Variants in STYXL2 observed in about 807,000 individuals in gnomAD.
The protein encoded by STYXL2 is serine/threonine/tyrosine-interacting-like protein 2.
A neutral mutation model predicts 52.4 loss-of-function variants in STYXL2; 44 were observed. That is an observed-to-expected ratio of 0.84 (90% CI 0.66 to 1.08). The LOEUF is 1.08. Among genes scored for constraint, STYXL2 ranks in the 50% least tolerant of loss-of-function variants. The pLI is 0.00. For synonymous variants in STYXL2, 604 were observed against 586.9 expected (o/e 1.03, Z -0.42); for missense variants, 1,604 against 1,471.7 (o/e 1.09, Z -1.47).
At chr1:167,104,759 G>A (rs1193451454) in intron 2 of STYXL2, among the ~76,000 whole-genome samples, 1 of 152,160 alleles carries the variant, frequency 6.6e-6, no homozygotes, top group African/African-American at 2.4e-5. Context: ...TTAGAGCTCA[G>A]AAACCTTGTC....
chr1:167,126,983 G>C lies in STYXL2; in HGVS notation c.1852G>C (p.Ala618Pro). 6.2e-7 allele frequency: 1 copy of C among 1,609,180 alleles called. No homozygotes were observed. The highest frequency in any genetic ancestry group is 1.1e-5 in the South Asian group (1 of 90,212). ...VVELSKGEDS[A>P]LAKKRQRRLE... ...GGAGCTCAGCAAGGGGGAGGACTCG[G>C]CCTTGGCTAAGAAGAGACAACGGAG... The change falls in exon 6 of 6, where the codon GCC (alanine) becomes CCC (proline). Residue 618 changes from alanine to proline, a missense_variant. By Grantham distance (27) the Ala-to-Pro change is conservative (BLOSUM62 -1). Coordinates refer to ENST00000361200, the MANE Select transcript of STYXL2 (RefSeq NM_001080426.3).
chr1:167,119,751 A>G (rs1248492289), intron 5 of STYXL2, among the ~76,000 whole-genome samples: 1 of 152,204 alleles, frequency 6.6e-6, no homozygotes, highest in Admixed American at 6.5e-5. Flanking sequence ...AATGAAAAAA[A>G]GAGAAAAAAA....
At chr1:167,122,636 C>G (rs1308386593) in intron 5 of STYXL2, among the ~76,000 whole-genome samples, 1 of 151,964 alleles carries the variant, frequency 6.6e-6, no homozygotes, top group Non-Finnish European at 1.5e-5. Flanking sequence ...GATGCTCTCC[C>G]CAGTAGCTGT....
At position 167,127,586 on chromosome 1, in the gene STYXL2, A is replaced by G. The variant is rs1479827087; in HGVS notation, c.2455A>G (p.Thr819Ala). ...AESCRSKVRG[T>A]SKPIFSLFAD... is the part of the protein sequence containing the mutation. ...AAGTTGCAGAAGCAAAGTGAGGGGG[A>G]CCAGCAAGCCCATCTTCAGCCTCTT... is the stretch of plus-strand genomic sequence containing the variant. The change falls in exon 6 of 6, where the codon ACC becomes GCC. Residue 819 changes from threonine (T) to alanine (A), a missense_variant. By Grantham distance (58) the Thr-to-Ala change is moderately conservative (BLOSUM62 0). Transcript: ENST00000361200. 3.7e-6 allele frequency: 6 copies of G among 1,613,944 alleles called. No homozygotes were observed. Among genetic ancestry groups the G allele is most frequent in the Non-Finnish European group, 5.1e-6 (6 of 1,180,028 alleles).
chr1:167,112,783 A>G (rs1667645385), intron 2 of STYXL2, among the ~76,000 whole-genome samples: 1 of 152,196 alleles, frequency 6.6e-6, no homozygotes, highest in African/African-American at 2.4e-5. Context: ...AATAATACCT[A>G]ATTTGTGGAG....
At chr1:167,097,061 A>T (rs1667301327) in intron 2 of STYXL2, among the ~76,000 whole-genome samples, 2 of 152,346 alleles carry the variant, frequency 1.3e-5, no homozygotes, top group South Asian at 4.1e-4. Context: ...CCAGGATGTG[A>T]GGAGTCCTCC....
chr1:167,098,667 C>G (rs1233219420), intron 2 of STYXL2, among the ~76,000 whole-genome samples: 1 of 152,110 alleles, frequency 6.6e-6, no homozygotes, highest in Non-Finnish European at 1.5e-5. Flanking sequence ...AAGGTCTCAG[C>G]TAGAGAGATT....
At chr1:167,111,513 T>TATACACACAC (rs1211215448) in intron 2 of STYXL2, among the ~76,000 whole-genome samples, 2 of 50,118 alleles carry the variant, frequency 4.0e-5, no homozygotes, top group African/African-American at 2.4e-4. Flanking sequence ...TATATATATA[T>TATACACACAC]ACACACACAC....
chr1:167,109,260 T>C (rs1553247525), intron 2 of STYXL2, among the ~76,000 whole-genome samples: 1 of 152,184 alleles, frequency 6.6e-6, no homozygotes, highest in Non-Finnish European at 1.5e-5. Context: ...CTCTGCTTGC[T>C]TTCTCCTCAG....
chr1:167,121,799 T>G (rs113410204), intron 5 of STYXL2, among the ~76,000 whole-genome samples: 6,136 of 152,290 alleles, frequency 0.04, 152 homozygotes, highest in African/African-American at 0.084. Flanking sequence ...CCTTGCAGGG[T>G]CCAGTGCGCC....
At chr1:167,105,838 C>T (rs867966999) in intron 2 of STYXL2, among the ~76,000 whole-genome samples, 2 of 152,256 alleles carry the variant, frequency 1.3e-5, no homozygotes, top group Middle Eastern at 6.8e-3. Context: ...TTTAATGTTG[C>T]TCACATTTTA....
intron 5 of STYXL2, among the ~76,000 whole-genome samples, chr1:167,120,474 A>T (rs1365663444): frequency 6.6e-6 from 1 of 152,176 alleles, no homozygotes; most frequent in South Asian, 2.1e-4. Context: ...CCTTGGGACA[A>T]CACCTGGCAC....
intron 4 of STYXL2, among the ~76,000 whole-genome samples, chr1:167,118,499 A>C (rs1667778992): frequency 6.6e-6 from 1 of 152,222 alleles, no homozygotes; most frequent in Admixed American, 6.5e-5. Context: ...CTGGGCACCA[A>C]GTCTTAAGTG....
At chr1:167,110,472 G>T (rs1357666072) in intron 2 of STYXL2, among the ~76,000 whole-genome samples, 1 of 152,116 alleles carries the variant, frequency 6.6e-6, no homozygotes, top group Non-Finnish European at 1.5e-5. Flanking sequence ...AGAAATTTGA[G>T]AAATAATACA....
intron 2 of STYXL2, among the ~76,000 whole-genome samples, chr1:167,106,003 G>A (rs1451955596): frequency 6.6e-6 from 1 of 152,122 alleles, no homozygotes; most frequent in Non-Finnish European, 1.5e-5. Context: ...CTCATTAGCC[G>A]AACTTCAATC....
intron 4 of STYXL2, among the ~76,000 whole-genome samples, chr1:167,118,481 C>T (rs569563493): frequency 6.6e-6 from 1 of 152,282 alleles, no homozygotes; most frequent in Non-Finnish European, 1.5e-5. Context: ...AGAACTTGAT[C>T]CTCAGAGCTG....
Position 167,101,608 on chromosome 1 carries a change from A to C in STYXL2, c.110+6649A>C, listed in dbSNP as rs182924804. 3.0e-3 allele frequency among the ~76,000 whole-genome samples: 457 copies of C among 152,268 alleles called. 6 individuals carry two copies. The highest frequency in any genetic ancestry group is 1.8e-3 in the Non-Finnish European group (121 of 68,010). On this transcript the variant is annotated intron_variant, in intron 2 of 5. Coordinates refer to ENST00000361200, the MANE Select transcript of STYXL2 (RefSeq NM_001080426.3). ...CACCTGAGGTCAGGAGTTTGAGACC[A>C]GCCTGTCCAACAGAGTGAAACCCCA...
chr1:167,099,289 T>C (rs1292541430), intron 2 of STYXL2, among the ~76,000 whole-genome samples: 2 of 152,180 alleles, frequency 1.3e-5, no homozygotes, highest in Non-Finnish European at 2.9e-5. Context: ...AAAAGAATCA[T>C]TTTTAATAAG....
rs535456785 is a variant in STYXL2, at chr1:167,107,130, A to G, written c.111-6580A>G. ...GTTGGCTGTTGGCTGGGAGCTCAGC[A>G]GGGACTGTTGACCAGTGGCCTTTCT... On this transcript the variant is annotated intron_variant, in intron 2 of 5. Coordinates refer to ENST00000361200, the MANE Select transcript of STYXL2 (RefSeq NM_001080426.3). Among the ~76,000 whole-genome samples, 4 of 152,316 alleles carry G rather than the reference A, an allele frequency of 2.6e-5. No homozygotes were observed. The East Asian group carries it at 7.7e-4, about 29-fold the overall frequency.
Sources: allele counts gnomAD v4.1 joint callset (sites outside exome capture counted in the v4.1 genomes callset), GRCh38; gene constraint gnomAD v4.1.1; transcripts MANE v1.5; gene names NCBI Gene and HGNC (gene_info 2026-07-23, HGNC 2026-07-21).